Variants in SELP observed in about 807,000 individuals in gnomAD.
SELP encodes selectin P.
SELP carries 92 observed loss-of-function variants against 104.1 expected under a neutral mutation model. The ratio of observed to expected loss-of-function variants is 0.88; its 90% CI spans 0.75 to 1.05. SELP has a LOEUF of 1.05. SELP is among the 50% of genes least tolerant of loss of function. The probability of loss-of-function intolerance (pLI) is 0.00; values close to 1 mark genes in which losing one functional copy is unlikely to be tolerated. For synonymous variants in SELP, 397 were observed against 364.5 expected (o/e 1.09, Z -1.01); for missense variants, 1,022 against 1,017.3 (o/e 1.00, Z -0.06).
At chr1:169,602,877 GAGAGGGAGAACTTTTTTATCT>G (rs1661975160) in intron 10 of SELP, 128 bp downstream of exon 10, 3 of 530,130 alleles carry the variant, frequency 5.7e-6, no homozygotes, top group African/African-American at 3.8e-5. Flanking sequence ...ATTATTTAAA[GAGAGGGAGAACTTTTTTATCT>G]AGATTACCAT....
Position 169,613,626 on chromosome 1 carries a change from G to A in SELP, c.549C>T (p.Cys183=). The A allele has an allele frequency of 6.2e-7, 1 of 1,614,008 alleles. No homozygotes were observed. The highest frequency in any genetic ancestry group is 8.5e-7 in the Non-Finnish European group (1 of 1,179,884). ...GCCCATAGAATCCAGGGTAACAGGA[G>A]CAGGTGTAGTTCCCGATGGTCTCGA... The part of the protein sequence containing the change: ...ECLETIGNYT[C]SCYPGFYGPE... The change falls in exon 4 of 17, where the codon TGC becomes TGT. Residue 183 remains cysteine, a synonymous_variant. Coordinates refer to ENST00000263686, the MANE Select transcript of SELP (RefSeq NM_003005.4).
At chr1:169,609,214 C>G (rs771368314) in intron 8 of SELP, among the ~76,000 whole-genome samples, 1 of 152,120 alleles carries the variant, frequency 6.6e-6, no homozygotes, top group Non-Finnish European at 1.5e-5. Context: ...CCATCCCATG[C>G]TATTCCTCAT....
chr1:169,609,427 A>C, intron 8 of SELP, 77 bp downstream of exon 8: 1 of 1,373,308 alleles, frequency 7.3e-7, no homozygotes, highest in South Asian at 1.4e-5. Context: ...AAAGAAAGGC[A>C]TGCCAATGCT....
intron 10 of SELP, among the ~76,000 whole-genome samples, chr1:169,599,352 C>G (rs1444590641): frequency 1.2e-5 from 1 of 81,976 alleles, no homozygotes; most frequent in Non-Finnish European, 2.0e-5. Flanking sequence ...TACTCTAAAA[C>G]TTTGGCAAAA....
chr1:169,598,087 C>T (rs890689005), intron 10 of SELP, among the ~76,000 whole-genome samples: 1 of 152,202 alleles, frequency 6.6e-6, no homozygotes, highest in Non-Finnish European at 1.5e-5. Context: ...AGAGGCAGTG[C>T]TCAGTAACCA....
chr1:169,592,882 A>C (rs1412494526), intron 14 of SELP, among the ~76,000 whole-genome samples: 1 of 152,174 alleles, frequency 6.6e-6, no homozygotes, highest in East Asian at 1.9e-4. Context: ...ACTGCGAAAC[A>C]TACCATCTTC....
At position 169,594,802 on chromosome 1, in the gene SELP, T is replaced by C. The variant is rs754086574; in HGVS notation, c.2177A>G (p.Tyr726Cys). 104 of 1,613,874 alleles carry C rather than the reference T, an allele frequency of 6.4e-5. No individual in the cohort carries two copies. In the Middle Eastern group the frequency reaches 1.8e-3, roughly 28 times the overall value. Residue 726 changes from tyrosine (Y) to cysteine (C), a missense_variant, in exon 13 of 17, where the codon TAT (tyrosine) becomes TGT (cysteine). Tyr to Cys is a radical substitution (Grantham distance 194). Transcript: ENST00000263686. ...NCSNLWGNFS[Y>C]GSICSFHCLE... ...ACAATGGAAAGAGCAGATTGATCCA[T>C]AACTGAAGTTTCCCCAGAGGTTGGA... is the stretch of plus-strand genomic sequence containing the variant.
rs766135532 is a variant in SELP at position 169,613,671 on chromosome 1, G to T, written c.504C>A (p.Cys168Ter). 1.9e-5 allele frequency: 31 copies of T among 1,613,784 alleles called. No homozygotes were observed. The highest frequency in any genetic ancestry group is 2.4e-5 in the Non-Finnish European group (28 of 1,179,814). Residue 168 changes from cysteine (C) to a stop codon, truncating the protein, a stop_gained, in exon 4 of 17, where the codon TGC becomes TGA. Transcript: ENST00000263686. LOFTEE classifies it high-confidence loss of function. Reference sequence around the variant, plus strand: ...TCTCGAGGCACTCTCCTTGTTTGCTGCAGGACATGTCCTGGCAGGAGGCTG... The same window carrying T: ...TCTCGAGGCACTCTCCTTGTTTGCTTCAGGACATGTCCTGGCAGGAGGCTG... ...CYTASCQDMS[C>*]SKQGECLETI...
At chr1:169,593,134 T>C (rs1192633447) in intron 14 of SELP, among the ~76,000 whole-genome samples, 2 of 152,216 alleles carry the variant, frequency 1.3e-5, no homozygotes, top group Admixed American at 1.3e-4. Flanking sequence ...TCTCCCCTAC[T>C]GGATTTTTCC....
chr1:169,609,425 G>A (rs1031586073), intron 8 of SELP, 79 bp downstream of exon 8: 12 of 1,348,810 alleles, frequency 8.9e-6, no homozygotes, highest in Non-Finnish European at 1.1e-5. Flanking sequence ...ATAAAGAAAG[G>A]CATGCCAATG....
intron 9 of SELP, 37 bp from the exon 10 acceptor site, chr1:169,603,248 AT>A (rs1662004863): frequency 6.4e-7 from 1 of 1,573,356 alleles, no homozygotes; most frequent in Non-Finnish European, 8.7e-7. Flanking sequence ...AGAAGAGATC[AT>A]TTTATAATTC....
At chr1:169,612,047 T>G (rs543170162) in intron 6 of SELP, among the ~76,000 whole-genome samples, 170 bp downstream of exon 6, 6 of 152,212 alleles carry the variant, frequency 3.9e-5, no homozygotes, top group African/African-American at 1.4e-4. Flanking sequence ...GAAAGGAATT[T>G]TTTTCCTTTC....
At position 169,589,195 on chromosome 1, in the gene SELP, C is replaced by T. The variant is rs1470420690; in HGVS notation, c.*268G>A. 1.3e-5 allele frequency: 2 copies of T among 152,240 alleles called. No homozygotes were observed. The highest frequency in any genetic ancestry group is 2.9e-5 in the Non-Finnish European group (2 of 68,042). The allele number at this position is 152,240 out of a possible 1,614,324, so 9.4% of individuals were successfully genotyped here. A position where few individuals can be genotyped will look rare whatever the true frequency, so the allele number is the denominator to read the frequency against. On this transcript the variant is annotated 3_prime_UTR_variant, in exon 17 of 17. Transcript: ENST00000263686. The stretch of plus-strand genomic sequence containing the variant: ...GTCTGGTCTTCTTGTGAGTCAGATG[C>T]TCCAGTCTCTTTGGTTCACTGGTAT...
intron 1 of SELP, among the ~76,000 whole-genome samples, chr1:169,628,531 T>C (rs1663486530): frequency 6.6e-6 from 1 of 152,224 alleles, no homozygotes; most frequent in South Asian, 2.1e-4. Context: ...GAGGGGCTTC[T>C]GAACATAAAG....
intron 14 of SELP, among the ~76,000 whole-genome samples, chr1:169,592,712 TC>T (rs1265039062): frequency 6.6e-6 from 1 of 152,158 alleles, no homozygotes; most frequent in Non-Finnish European, 1.5e-5. Context: ...ATCTATTTGG[TC>T]TTCTCTGTTT....
chr1:169,622,142 A>G (rs1462447306), intron 1 of SELP, among the ~76,000 whole-genome samples: 3 of 152,266 alleles, frequency 2.0e-5, no homozygotes, highest in Non-Finnish European at 2.9e-5. Context: ...GCCTTTGGAT[A>G]TAAATACATT....
chr1:169,596,167 T>C, intron 11 of SELP, 33 bp from the exon 12 acceptor site: 1 of 1,591,280 alleles, frequency 6.3e-7, no homozygotes. Context: ...TTCAGAGACC[T>C]CCCAATTAAA....
chr1:169,629,027 G>A (rs1663511684), intron 1 of SELP, among the ~76,000 whole-genome samples: 1 of 152,190 alleles, frequency 6.6e-6, no homozygotes, highest in African/African-American at 2.4e-5. Flanking sequence ...ACAGAAAGGT[G>A]CTCAAAAACA....
intron 1 of SELP, among the ~76,000 whole-genome samples, chr1:169,621,247 T>TG (rs1663116321): frequency 1.6e-5 from 1 of 63,906 alleles, no homozygotes; most frequent in African/African-American, 6.3e-5. Context: ...GTGTGTGTGT[T>TG]TGTGTCACAC....
Sources: allele counts gnomAD v4.1 joint callset (sites outside exome capture counted in the v4.1 genomes callset), GRCh38; gene constraint gnomAD v4.1.1; transcripts MANE v1.5; gene names NCBI Gene and HGNC (gene_info 2026-07-23, HGNC 2026-07-21).